GRIK4: variants seen among roughly 807,000 people sequenced by gnomAD.
GRIK4 encodes glutamate ionotropic receptor kainate type subunit 4.
A neutral mutation model predicts 104.9 loss-of-function variants in GRIK4; 40 were observed. The ratio of observed to expected loss-of-function variants is 0.38; its 90% CI spans 0.30 to 0.50. The LOEUF is 0.50. Among genes scored for constraint, GRIK4 ranks in the 20% least tolerant of loss-of-function variants. The probability of loss-of-function intolerance (pLI) is 0.93; values close to 1 mark genes in which losing one functional copy is unlikely to be tolerated. For synonymous variants in GRIK4, 485 were observed against 524.9 expected (o/e 0.92, Z 1.04); for missense variants, 1,047 against 1,308.1 (o/e 0.80, Z 3.08).
Position 120,827,402 on chromosome 11 carries a change from A to G in GRIK4, c.512-4450A>G, listed in dbSNP as rs373867843. On this transcript the variant is annotated intron_variant, in intron 6 of 20. Transcript: ENST00000527524. ...TCCCGCTGCATCCTGAGCAAGGCTA[A>G]TAGGTTCCCTAGGCCCCTCTCAGCC... Among the ~76,000 whole-genome samples, 27 of 152,226 alleles carry G rather than the reference A, an allele frequency of 1.8e-4. No homozygotes were observed. The East Asian group carries it at 5.0e-3, about 28-fold the overall frequency.
At chr11:120,893,624 G>C (rs532317332) in intron 11 of GRIK4, among the ~76,000 whole-genome samples, 1 of 152,190 alleles carries the variant, frequency 6.6e-6, no homozygotes, top group South Asian at 2.1e-4. Flanking sequence ...TGAGTATGGC[G>C]GGCACCAGTC....
At chr11:120,873,964 T>A in intron 9 of GRIK4, 102 bp from the exon 10 acceptor site, 1 of 1,089,912 alleles carries the variant, frequency 9.2e-7, no homozygotes, top group East Asian at 2.6e-5. Context: ...TTTCTTTTGC[T>A]TTCTCTTTTC....
intron 11 of GRIK4, among the ~76,000 whole-genome samples, chr11:120,888,296 G>A (rs961148508): frequency 6.6e-6 from 1 of 152,038 alleles, no homozygotes; most frequent in South Asian, 2.1e-4. Flanking sequence ...AGACCTGCCT[G>A]GGTTTGAATC....
At chr11:120,596,957 T>A (rs1359561268) in intron 1 of GRIK4, among the ~76,000 whole-genome samples, 1 of 152,142 alleles carries the variant, frequency 6.6e-6, no homozygotes, top group Non-Finnish European at 1.5e-5. Context: ...ACTCCTGACA[T>A]CAAGTGATCC....
chr11:120,748,017 T>G (rs1178632138), intron 3 of GRIK4, among the ~76,000 whole-genome samples: 2 of 152,170 alleles, frequency 1.3e-5, no homozygotes, highest in Admixed American at 6.5e-5. Context: ...GCCAGGCGCC[T>G]CTGTGGATTA....
chr11:120,566,956 C>T (rs2135064718), intron 1 of GRIK4, among the ~76,000 whole-genome samples: 1 of 150,454 alleles, frequency 6.6e-6, no homozygotes, highest in African/African-American at 2.5e-5. Context: ...TTCCGCCCAC[C>T]TCGGCCTCCT....
In GRIK4 at chr11:120,820,509, T is replaced by C. The variant is rs1011272776; in HGVS notation, c.511+589T>C. Among the ~76,000 whole-genome samples, 4 of 152,162 alleles carry C rather than the reference T, an allele frequency of 2.6e-5. No individual in the cohort carries two copies. In the East Asian group the frequency reaches 5.8e-4, roughly 22 times the overall value. ...CAGTCAATTTGTGACATAAATTTAG[T>C]GTTTATGAGATTTAGCTAATTTAAG... On this transcript the variant is annotated intron_variant, in intron 6 of 20. Coordinates refer to ENST00000527524, the MANE Select transcript of GRIK4 (RefSeq NM_014619.5).
chr11:120,840,624 TC>T (rs1953688914), intron 8 of GRIK4, among the ~76,000 whole-genome samples: 1 of 152,002 alleles, frequency 6.6e-6, no homozygotes, highest in African/African-American at 2.4e-5. Flanking sequence ...AGGCAGGGGG[TC>T]AAAAGTCCAG....
chr11:120,876,085 A>C (rs1954780930), intron 11 of GRIK4, among the ~76,000 whole-genome samples: 1 of 151,610 alleles, frequency 6.6e-6, no homozygotes. Flanking sequence ...TTGCACAATC[A>C]CCTTTTCCAG....
Position 120,862,043 on chromosome 11 carries a change from T to G in GRIK4, c.829T>G (p.Phe277Val), listed in dbSNP as rs1954279124. ...GFSIFNQSHAFFQEFAQSLNQ... is the reference protein window; with the variant it reads ...GFSIFNQSHAVFQEFAQSLNQ... ...TTCCATTTTCAACCAATCCCATGCT[T>G]TCTTCCAAGAGTTTGCCCAGAGCCT... Residue 277 changes from phenylalanine to valine, a missense_variant, in exon 9 of 21, where the codon TTC (phenylalanine) becomes GTC (valine). By Grantham distance (50) the Phe-to-Val change is conservative. Transcript: ENST00000527524. 1 of 1,613,956 alleles carries G rather than the reference T, an allele frequency of 6.2e-7. No homozygotes were observed. The highest frequency in any genetic ancestry group is 1.3e-5 in the African/African-American group (1 of 74,918).
At chr11:120,663,260 G>A (rs556630856) in intron 3 of GRIK4, among the ~76,000 whole-genome samples, 25 of 152,224 alleles carry the variant, frequency 1.6e-4, no homozygotes, top group African/African-American at 2.4e-4. Flanking sequence ...TCTTAGATCC[G>A]GAAGGGACTG....
At chr11:120,965,225 G>A (rs1424611411) in intron 18 of GRIK4, among the ~76,000 whole-genome samples, 3 of 152,332 alleles carry the variant, frequency 2.0e-5, no homozygotes, top group African/African-American at 2.4e-5. Flanking sequence ...AGGTAACCAA[G>A]GAGTAAGCAG....
chr11:120,518,680 G>A (rs185108055), intron 1 of GRIK4, among the ~76,000 whole-genome samples: 70 of 152,196 alleles, frequency 4.6e-4, no homozygotes, highest in African/African-American at 1.2e-3. Flanking sequence ...TGCAATGTGC[G>A]CGACCTTGGC....
intron 1 of GRIK4, among the ~76,000 whole-genome samples, chr11:120,523,345 G>T (rs1947817861): frequency 6.6e-6 from 1 of 151,970 alleles, no homozygotes; most frequent in Non-Finnish European, 1.5e-5. Flanking sequence ...CTGAGAAAGT[G>T]CATTTCTCCT....
chr11:120,862,187 C>T, intron 9 of GRIK4, 67 bp downstream of exon 9: 1 of 1,368,474 alleles, frequency 7.3e-7, no homozygotes, highest in South Asian at 1.3e-5. Flanking sequence ...TGTGGGCCAA[C>T]CCCTGGGCAA....
At chr11:120,782,079 C>T (rs1001693302) in intron 3 of GRIK4, among the ~76,000 whole-genome samples, 3 of 152,178 alleles carry the variant, frequency 2.0e-5, no homozygotes, top group Non-Finnish European at 4.4e-5. Context: ...GACCACCCCC[C>T]ATCATTCTCT....
chr11:120,704,772 C>T (rs12276440), intron 3 of GRIK4, among the ~76,000 whole-genome samples: 35,890 of 150,556 alleles, frequency 0.24, 6,219 homozygotes, highest in African/African-American at 0.5. Flanking sequence ...AGAGTAGGTA[C>T]TTTAGACTTG....
chr11:120,615,362 T>C (rs1949097628), intron 1 of GRIK4, among the ~76,000 whole-genome samples: 1 of 152,220 alleles, frequency 6.6e-6, no homozygotes, highest in Admixed American at 6.5e-5. Flanking sequence ...CTCCTGTGTA[T>C]AGACACCAAA....
chr11:120,864,205 T>TTTATA (rs1463183808), intron 9 of GRIK4, among the ~76,000 whole-genome samples: 2 of 137,720 alleles, frequency 1.5e-5, no homozygotes, highest in African/African-American at 5.4e-5. Flanking sequence ...GTATTTTTAT[T>TTTATA]TTTATTTATT....
Sources: gnomAD v4.1 joint callset for allele counts (sites outside exome capture counted in the v4.1 genomes callset) on GRCh38, gnomAD v4.1.1 for gene constraint, MANE v1.5 for transcripts, NCBI Gene and HGNC (gene_info 2026-07-23, HGNC 2026-07-21) for gene names.